Variants in HPSE2 observed in about 807,000 individuals in gnomAD.
HPSE2 encodes inactive heparanase-2.
In HPSE2, 38 loss-of-function variants were observed where a neutral mutation model predicts 60.5. The observed-to-expected ratio is 0.63, with a 90% confidence interval of 0.48 to 0.82. HPSE2 has a LOEUF of 0.82. HPSE2 is among the 40% of genes least tolerant of loss of function. The probability of loss-of-function intolerance (pLI) is 0.00; values close to 1 mark genes in which losing one functional copy is unlikely to be tolerated. For missense variants in HPSE2, 713 were observed against 740.4 expected, an observed-to-expected ratio of 0.96 and a Z score of 0.43; for synonymous variants, 295 against 293.2, an observed-to-expected ratio of 1.01 and a Z score of -0.06.
intron 4 of HPSE2, among the ~76,000 whole-genome samples, chr10:98,735,958 G>A (rs1183555092): frequency 6.6e-6 from 1 of 152,128 alleles, no homozygotes; most frequent in Non-Finnish European, 1.5e-5. Flanking sequence ...GTACTGTTGG[G>A]AAGGCATGAT....
intron 11 of HPSE2, chr10:98,461,728 A>G: frequency 6.7e-7 from 1 of 1,490,856 alleles, no homozygotes; most frequent in East Asian, 2.4e-5. Flanking sequence ...GGTTTCTCCC[A>G]TATACAGAAT....
At chr10:99,033,185 C>T (rs1423386088) in intron 3 of HPSE2, among the ~76,000 whole-genome samples, 2 of 152,028 alleles carry the variant, frequency 1.3e-5, no homozygotes, top group South Asian at 2.1e-4. Context: ...TTCTTATTTA[C>T]AAATAGAAAA....
intron 4 of HPSE2, among the ~76,000 whole-genome samples, chr10:98,726,599 AC>A (rs1949087805): frequency 6.7e-6 from 1 of 150,052 alleles, no homozygotes; most frequent in Non-Finnish European, 1.5e-5. Flanking sequence ...AAAAACCTGC[AC>A]GTTGTGCACA....
chr10:99,103,899 A>G (rs1200479392), intron 3 of HPSE2, among the ~76,000 whole-genome samples: 1 of 152,224 alleles, frequency 6.6e-6, no homozygotes, highest in African/African-American at 2.4e-5. Context: ...TTCCCTATTT[A>G]ATCAATGGTG....
At chr10:99,203,303 A>T (rs905152407) in intron 2 of HPSE2, among the ~76,000 whole-genome samples, 1 of 152,124 alleles carries the variant, frequency 6.6e-6, no homozygotes, top group Admixed American at 6.5e-5. Flanking sequence ...CTGCAGCCCT[A>T]GTCACGAGCC....
chr10:99,178,112 T>A (rs1287426760), intron 2 of HPSE2, among the ~76,000 whole-genome samples: 2 of 151,792 alleles, frequency 1.3e-5, no homozygotes, highest in Non-Finnish European at 2.9e-5. Flanking sequence ...GGGACACAGC[T>A]AAAGCAGTGT....
chr10:98,698,417 A>T (rs1382098459), intron 5 of HPSE2, among the ~76,000 whole-genome samples: 1 of 151,754 alleles, frequency 6.6e-6, no homozygotes, highest in Non-Finnish European at 1.5e-5. Flanking sequence ...ATGAAGGCAG[A>T]AATAAAGATG....
the HPSE2 span, among the ~76,000 whole-genome samples, chr10:99,249,448 T>C: frequency 2.0e-5 from 3 of 152,232 alleles, no homozygotes; most frequent in Non-Finnish European, 2.9e-5. Context: ...ATTTCTCCCT[T>C]TTGGAATGGG....
chr10:98,565,716 G>A (rs1219967528), intron 9 of HPSE2, among the ~76,000 whole-genome samples: 1 of 152,066 alleles, frequency 6.6e-6, no homozygotes, highest in Non-Finnish European at 1.5e-5. Context: ...TGGGTCAAAT[G>A]GTTTCTGGTT....
At chr10:98,830,316 G>T (rs1951655446) in intron 3 of HPSE2, among the ~76,000 whole-genome samples, 1 of 152,122 alleles carries the variant, frequency 6.6e-6, no homozygotes, top group African/African-American at 2.4e-5. Context: ...AAGAAGAGGG[G>T]TAGGGAGAGG....
At chr10:99,305,959 ACACGCG>A in the HPSE2 span, among the ~76,000 whole-genome samples, 95 of 29,692 alleles carry the variant, frequency 3.2e-3, no homozygotes, top group South Asian at 0.021. Context: ...AAACTCACAC[ACACGCG>A]CGCGCGCGCG....
At chr10:98,763,073 G>T (rs1026196251) in intron 3 of HPSE2, among the ~76,000 whole-genome samples, 2 of 151,716 alleles carry the variant, frequency 1.3e-5, no homozygotes, top group Non-Finnish European at 2.9e-5. Flanking sequence ...TTTACTTGAT[G>T]GGCCTAATAC....
chr10:98,978,867 C>T (rs1039478567), intron 3 of HPSE2, among the ~76,000 whole-genome samples: 2 of 152,194 alleles, frequency 1.3e-5, no homozygotes, highest in African/African-American at 4.8e-5. Context: ...GTATCCTCGA[C>T]ACTTGGTCAT....
chr10:98,838,601 T>TTTTA (rs1363675193), intron 3 of HPSE2, among the ~76,000 whole-genome samples: 1 of 140,706 alleles, frequency 7.1e-6, no homozygotes, highest in African/African-American at 2.6e-5. Context: ...ATTTTTTAAC[T>TTTTA]TTTTTTTTTT....
intron 5 of HPSE2, among the ~76,000 whole-genome samples, chr10:98,717,773 A>G (rs1311705095): frequency 6.6e-6 from 1 of 152,154 alleles, no homozygotes; most frequent in Admixed American, 6.6e-5. Context: ...ATGTTGCAAG[A>G]ATTACCAAAA....
chr10:98,886,565 G>A (rs911278159), intron 3 of HPSE2, among the ~76,000 whole-genome samples: 4 of 151,318 alleles, frequency 2.6e-5, no homozygotes, highest in African/African-American at 9.7e-5. Flanking sequence ...AAGGCTCATG[G>A]CAAACGTTAG....
At chr10:98,704,105 C>A (rs1475868706) in intron 5 of HPSE2, among the ~76,000 whole-genome samples, 3 of 152,138 alleles carry the variant, frequency 2.0e-5, no homozygotes, top group African/African-American at 4.8e-5. Context: ...AAATCACAAG[C>A]ATTCCTATAC....
At chr10:99,094,982 G>A (rs1843670034) in intron 3 of HPSE2, among the ~76,000 whole-genome samples, 1 of 152,084 alleles carries the variant, frequency 6.6e-6, no homozygotes, top group Non-Finnish European at 1.5e-5. Context: ...GAGGTCAGGA[G>A]TTCCAAACCA....
intron 3 of HPSE2, among the ~76,000 whole-genome samples, chr10:98,913,474 G>A (rs536456706): frequency 1.1e-4 from 17 of 152,002 alleles, no homozygotes; most frequent in Non-Finnish European, 2.1e-4. Flanking sequence ...TATCTCTTAC[G>A]GCATATTCAG....
Sources: gnomAD v4.1 joint callset for allele counts (sites outside exome capture counted in the v4.1 genomes callset) on GRCh38, gnomAD v4.1.1 for gene constraint, MANE v1.5 for transcripts, NCBI Gene and HGNC (gene_info 2026-07-23, HGNC 2026-07-21) for gene names.